Variants in PVR observed in about 807,000 individuals in gnomAD.
The protein encoded by PVR is PVR cell adhesion molecule, also known as poliovirus receptor.
In PVR, 39 loss-of-function variants were observed where a neutral mutation model predicts 43.3. The observed-to-expected ratio is 0.90, with a 90% CI of 0.70 to 1.18. PVR has a LOEUF of 1.18. Ranked by LOEUF, PVR falls within the 50% of genes most tolerant of loss-of-function variation. The pLI, the probability that PVR is intolerant of heterozygous loss-of-function variation, is 0.00. For missense variants in PVR, 480 were observed against 549.7 expected (o/e 0.87, Z 1.27); for synonymous variants, 224 against 233.2 (o/e 0.96, Z 0.36).
At chr19:44,654,131 G>A in intron 4 of PVR, 114 bp downstream of exon 4, 1 of 821,104 alleles carries the variant, frequency 1.2e-6, no homozygotes, top group Non-Finnish European at 1.9e-6. Flanking sequence ...TGGGGGCCCG[G>A]ACCCCTGGGT....
chr19:44,647,077 T>TCCCCCACCCCCCCC, intron 1 of PVR, 146 bp from the exon 2 acceptor site: 1 of 311,374 alleles, frequency 3.2e-6, no homozygotes, highest in Non-Finnish European at 5.7e-6. Flanking sequence ...GTGCCCCAGT[T>TCCCCCACCCCCCCC]CCCCCTCCCC....
At chr19:44,646,166 G>C (rs1973108928) in intron 1 of PVR, among the ~76,000 whole-genome samples, 2 of 152,166 alleles carry the variant, frequency 1.3e-5, no homozygotes, top group South Asian at 4.1e-4. Context: ...AGTGTCCACT[G>C]TTCTAAGTCT....
chr19:44,647,031 C>A (rs1309260034), intron 1 of PVR, among the ~76,000 whole-genome samples, 192 bp from the exon 2 acceptor site: 1 of 152,218 alleles, frequency 6.6e-6, no homozygotes, highest in Non-Finnish European at 1.5e-5. Context: ...CCATCCCAGA[C>A]GCCCTTACCC....
intron 3 of PVR, 80 bp downstream of exon 3, chr19:44,650,185 C>T: frequency 1.5e-6 from 2 of 1,336,334 alleles, no homozygotes; most frequent in Non-Finnish European, 2.0e-6. Flanking sequence ...CCCCAAGGCA[C>T]TGTAGGCATT....
In PVR at chr19:44,663,085, A is replaced by C. The variant is rs1204892281; in HGVS notation, c.*1274A>C. 2 of 152,280 alleles carry C rather than the reference A, an allele frequency of 1.3e-5. No individual in the cohort carries two copies. Among genetic ancestry groups the C allele is most frequent in the African/African-American group, 4.8e-5 (2 of 41,442 alleles). The allele number at this position is 152,280 out of a possible 1,614,324, so 9.4% of individuals were successfully genotyped here. A position where few individuals can be genotyped will look rare whatever the true frequency, so the allele number is the denominator to read the frequency against. On this transcript the variant is annotated 3_prime_UTR_variant, in exon 8 of 8. Coordinates refer to ENST00000425690, the MANE Select transcript of PVR (RefSeq NM_006505.5). The stretch of plus-strand genomic sequence containing the variant: ...AAAAGAAGCAAATGCAATTTCCAAC[A>C]CAAGGGGGAAGGGATGCAGGGGGAG...
intron 1 of PVR, among the ~76,000 whole-genome samples, chr19:44,644,537 C>T (rs970241716): frequency 8.6e-5 from 13 of 152,002 alleles, no homozygotes; most frequent in African/African-American, 2.9e-4. Context: ...GCCGGATTAC[C>T]TTACCCAGGT....
At position 44,661,813 on chromosome 19, in the gene PVR, A is replaced by G; in HGVS notation, c.*2A>G. On this transcript the variant is annotated 3_prime_UTR_variant, in exon 8 of 8. Transcript: ENST00000425690. ...CCACAGACAGAGGGCACAAGGTGAC[A>G]GCGTCGGGACTGAGAGGGGAGAGAG... The G allele has an allele frequency of 2.5e-6, 4 of 1,613,836 alleles. No individual in the cohort carries two copies. The South Asian group carries it at 4.4e-5, about 18-fold the overall frequency.
In PVR at chr19:44,664,670, A is replaced by G. The variant is rs889744612; in HGVS notation, c.*2859A>G. Reference sequence around the variant, plus strand: ...ATCCTTTCCAGCCTTTCACTATTACAATGTTGTAGTGAATAACTTTACACA... The same window carrying G: ...ATCCTTTCCAGCCTTTCACTATTACGATGTTGTAGTGAATAACTTTACACA... On this transcript the variant is annotated 3_prime_UTR_variant, in exon 8 of 8. Transcript: ENST00000425690. The G allele has an allele frequency of 1.3e-5, 2 of 151,354 alleles. No individual in the cohort carries two copies. Among genetic ancestry groups the G allele is most frequent in the African/African-American group, 4.9e-5 (2 of 41,180 alleles). 9.4% of individuals were successfully genotyped at this position (151,354 alleles called of 1,614,324 possible).
intron 4 of PVR, among the ~76,000 whole-genome samples, chr19:44,657,375 A>T (rs1013397127): frequency 1.3e-5 from 2 of 152,110 alleles, no homozygotes; most frequent in Non-Finnish European, 2.9e-5. Flanking sequence ...CCCAGAGGGT[A>T]CTGAGCTGAG....
rs1218947135 is a variant in PVR, at chr19:44,649,816, C to T, written c.435C>T (p.Pro145=). 1.2e-6 allele frequency: 2 copies of T among 1,613,702 alleles called. No individual in the cohort carries two copies. Among genetic ancestry groups the T allele is most frequent in the Admixed American group, 3.3e-5 (2 of 59,936 alleles). The change falls in exon 3 of 8, where the codon CCC becomes CCT. Residue 145 remains proline (P), a synonymous_variant. Coordinates refer to ENST00000425690, the MANE Select transcript of PVR (RefSeq NM_006505.5). ...TTTTGTTCCTCTTCCCAGCCAAGCC[C>T]CAGAACACAGCTGAGGTTCAGAAGG... ...VDIWLRVLAK[P]QNTAEVQKVQ...
chr19:44,658,683 G>T, intron 5 of PVR, 59 bp from the exon 6 acceptor site: 1 of 1,439,208 alleles, frequency 6.9e-7, no homozygotes, highest in Non-Finnish European at 9.5e-7. Flanking sequence ...GCCATTTCAA[G>T]AATGAGGGAT....
Position 44,658,870 on chromosome 19 carries a change from G to A in PVR, c.1120G>A (p.Val374Ile). ...YFYWSKCSREVLWHCHLCPSS... is the reference protein window; with the variant it reads ...YFYWSKCSREILWHCHLCPSS... ...CTATTGGTCCAAATGTTCCCGTGAG[G>A]TCCTTTGGCACTGTCATCTGTGTCC... Residue 374 changes from valine (V) to isoleucine (I), a missense_variant, in exon 6 of 8, where the codon GTC becomes ATC. Physicochemically the swap from Val to Ile is conservative, Grantham distance 29 (BLOSUM62 3). Coordinates refer to ENST00000425690, the MANE Select transcript of PVR (RefSeq NM_006505.5). 1 of 1,614,070 alleles carries A rather than the reference G, an allele frequency of 6.2e-7. No homozygotes were observed. Among genetic ancestry groups the A allele is most frequent in the Non-Finnish European group, 8.5e-7 (1 of 1,180,010 alleles).
At chr19:44,649,783 CTTG>C in intron 2 of PVR, 23 bp from the exon 3 acceptor site, 2 of 1,610,296 alleles carry the variant, frequency 1.2e-6, no homozygotes, top group Non-Finnish European at 1.7e-6. Context: ...CATTGAATGA[CTTG>C]TTGCTTTTGT....
chr19:44,658,700 C>G (rs1973517233), intron 5 of PVR, 42 bp from the exon 6 acceptor site: 1 of 1,531,236 alleles, frequency 6.5e-7, no homozygotes, highest in African/African-American at 1.4e-5. Context: ...GGATAAACCC[C>G]AAGAGTTTCC....
chr19:44,645,337 TAATA>T (rs1434128478), intron 1 of PVR, among the ~76,000 whole-genome samples: 1 of 122,674 alleles, frequency 8.2e-6, no homozygotes, highest in African/African-American at 3.2e-5. Flanking sequence ...ATTATTTATA[TAATA>T]AATAATATAT....
intron 3 of PVR, among the ~76,000 whole-genome samples, chr19:44,651,381 G>A (rs1450010369): frequency 6.6e-6 from 1 of 152,034 alleles, no homozygotes; most frequent in Admixed American, 6.6e-5. Flanking sequence ...TCTCTAAAGT[G>A]CCCCCTGACA....
chr19:44,645,113 TATATA>T (rs1163481147), intron 1 of PVR, among the ~76,000 whole-genome samples: 1 of 90,524 alleles, frequency 1.1e-5, no homozygotes, highest in East Asian at 2.8e-4. Context: ...ATTATAGTAA[TATATA>T]ATATATTATA....
In PVR at chr19:44,654,748, AT is replaced by A. The variant is rs1421643087; in HGVS notation, c.842+738del. Among the ~76,000 whole-genome samples the A allele has an allele frequency of 3.9e-5, 6 of 152,084 alleles. No homozygotes were observed. The South Asian group carries it at 1.2e-3, about 32-fold the overall frequency. On this transcript the variant is annotated intron_variant, in intron 4 of 7. Coordinates refer to ENST00000425690, the MANE Select transcript of PVR (RefSeq NM_006505.5). ...ACATTATGAGACTTTTTTTTTGCGAATTTTTTTAGCTCATTAGCTATTGTTA... is the reference window on the plus strand; with the variant it reads ...ACATTATGAGACTTTTTTTTTGCGAATTTTTTAGCTCATTAGCTATTGTTA...
Position 44,650,022 on chromosome 19 carries a change from T to C in PVR, c.641T>C (p.Val214Ala). The C allele has an allele frequency of 2.5e-6, 4 of 1,599,196 alleles. No individual in the cohort carries two copies. Among genetic ancestry groups the C allele is most frequent in the African/African-American group, 1.3e-5 (1 of 74,696 alleles). ...SLWILVPSSQVDGKNVTCKVE... is the reference protein window; with the variant it reads ...SLWILVPSSQADGKNVTCKVE... ...TGGATATTGGTGCCCTCAAGCCAGG[T>C]GGACGGCAAGAATGTGACCTGCAAG... Residue 214 changes from valine (V) to alanine (A), a missense_variant, in exon 3 of 8, where the codon GTG becomes GCG. Val to Ala is a moderately conservative substitution (Grantham distance 64). Transcript: ENST00000425690.
Sources: allele counts gnomAD v4.1 joint callset (sites outside exome capture counted in the v4.1 genomes callset), GRCh38; gene constraint gnomAD v4.1.1; transcripts MANE v1.5; gene names NCBI Gene and HGNC (gene_info 2026-07-23, HGNC 2026-07-21).